BBS9: variants seen among roughly 807,000 people sequenced by gnomAD.
BBS9 encodes Bardet-Biedl syndrome 9, also known as protein PTHB1.
Under a neutral mutation model 117.7 loss-of-function variants are expected in BBS9, and 89 were observed. The observed-to-expected ratio is 0.76, with a 90% CI of 0.64 to 0.90. The LOEUF is 0.90. Among genes scored for constraint, BBS9 ranks in the 40% least tolerant of loss-of-function variants. The pLI is 0.00. For synonymous variants in BBS9, 379 were observed against 370.9 expected (o/e 1.02, Z -0.25); for missense variants, 982 against 1,042.2 (o/e 0.94, Z 0.80).
At chr7:33,360,395 AAT>A (rs1820401894) in intron 16 of BBS9, among the ~76,000 whole-genome samples, 2 of 152,136 alleles carry the variant, frequency 1.3e-5, no homozygotes, top group Admixed American at 6.5e-5. Flanking sequence ...AAACCTTGCC[AAT>A]AGAGAATCTT....
chr7:33,320,319 A>G (rs918096275), intron 9 of BBS9, among the ~76,000 whole-genome samples: 1 of 152,162 alleles, frequency 6.6e-6, no homozygotes, highest in African/African-American at 2.4e-5. Flanking sequence ...TTTAGCACCC[A>G]CAAATAAGCA....
intron 20 of BBS9, among the ~76,000 whole-genome samples, chr7:33,508,107 A>C (rs978947893): frequency 3.9e-5 from 6 of 152,200 alleles, no homozygotes; most frequent in African/African-American, 7.2e-5. Context: ...ACTTACACAT[A>C]TATTTTGTTC....
chr7:33,473,957 A>G (rs1242841598), intron 19 of BBS9, among the ~76,000 whole-genome samples: 1 of 152,256 alleles, frequency 6.6e-6, no homozygotes, highest in Non-Finnish European at 1.5e-5. Flanking sequence ...ACGTAAATAT[A>G]TGCTGGGCTG....
At chr7:33,141,627 G>A (rs1791479295) in intron 1 of BBS9, among the ~76,000 whole-genome samples, 1 of 152,028 alleles carries the variant, frequency 6.6e-6, no homozygotes, top group Non-Finnish European at 1.5e-5. Context: ...TTAAATTGAT[G>A]TTAGTATAAT....
chr7:33,258,470 G>T (rs367950539), intron 6 of BBS9, among the ~76,000 whole-genome samples: 6 of 152,330 alleles, frequency 3.9e-5, no homozygotes, highest in African/African-American at 4.8e-5. Context: ...ATGTTTGTGA[G>T]TAAGCAGAAT....
intron 19 of BBS9, among the ~76,000 whole-genome samples, chr7:33,409,637 G>T (rs1830743136): frequency 6.6e-6 from 1 of 152,078 alleles, no homozygotes; most frequent in African/African-American, 2.4e-5. Context: ...AGTGTATGAG[G>T]ATTCTGTTTC....
intron 19 of BBS9, among the ~76,000 whole-genome samples, chr7:33,500,676 A>G (rs1845322922): frequency 6.6e-6 from 1 of 152,232 alleles, no homozygotes. Flanking sequence ...TGAAATATGG[A>G]GGCAGATTCA....
chr7:33,458,153 T>C (rs937724071), intron 19 of BBS9, among the ~76,000 whole-genome samples: 5 of 152,172 alleles, frequency 3.3e-5, no homozygotes, highest in African/African-American at 1.2e-4. Flanking sequence ...ATGCTTATTA[T>C]AGAAAATGTC....
At chr7:33,178,589 A>G (rs990839916) in intron 5 of BBS9, among the ~76,000 whole-genome samples, 18 of 151,760 alleles carry the variant, frequency 1.2e-4, no homozygotes, top group African/African-American at 4.4e-4. Flanking sequence ...TGATTGTGTG[A>G]CTCTGTGTGC....
chr7:33,453,007 G>A (rs1363254919), intron 19 of BBS9, among the ~76,000 whole-genome samples: 1 of 152,198 alleles, frequency 6.6e-6, no homozygotes, highest in African/African-American at 2.4e-5. Flanking sequence ...AGGCAGTGGA[G>A]TTGGCAGTAC....
chr7:33,270,688 A>G (rs1163331557), intron 7 of BBS9, among the ~76,000 whole-genome samples: 1 of 151,990 alleles, frequency 6.6e-6, no homozygotes, highest in Non-Finnish European at 1.5e-5. Flanking sequence ...AATGAACAAA[A>G]CCTCCAAGAC....
intron 21 of BBS9, among the ~76,000 whole-genome samples, chr7:33,590,461 T>G (rs28728261): frequency 1.2e-4 from 13 of 109,514 alleles, no homozygotes; most frequent in Admixed American, 2.5e-4. Context: ...GTTTTTTTGT[T>G]TTTTTTTTTT....
At chr7:33,156,860 G>T (rs1404300472) in intron 4 of BBS9, among the ~76,000 whole-genome samples, 1 of 151,930 alleles carries the variant, frequency 6.6e-6, no homozygotes, top group Non-Finnish European at 1.5e-5. Context: ...ATGGTTTCAT[G>T]TTGCTCCTCC....
In BBS9 at chr7:33,316,582, A is replaced by T. The variant is rs567626099; in HGVS notation, c.1017-19859A>T. On this transcript the variant is annotated intron_variant, in intron 9 of 22. Coordinates refer to ENST00000242067, the MANE Select transcript of BBS9 (RefSeq NM_198428.3). ...AGTACTATCAGTCTTTTTAATTTAG[A>T]TATTCTAATGTGTGTATGGTGCTAG... Among the ~76,000 whole-genome samples the T allele has an allele frequency of 2.6e-5, 4 of 152,232 alleles. No individual in the cohort carries two copies. In the South Asian group the frequency reaches 8.3e-4, roughly 32 times the overall value.
At chr7:33,247,657 A>C (rs190404296) in intron 5 of BBS9, among the ~76,000 whole-genome samples, 1 of 152,168 alleles carries the variant, frequency 6.6e-6, no homozygotes. Context: ...GTACTATTTA[A>C]TTAACTCCCA....
chr7:33,305,433 G>A (rs1022139233), intron 9 of BBS9, among the ~76,000 whole-genome samples: 3 of 152,182 alleles, frequency 2.0e-5, no homozygotes, highest in African/African-American at 7.2e-5. Context: ...TGTAGAAAGA[G>A]TTAGGAAGTA....
chr7:33,445,178 G>A (rs1008507838), intron 19 of BBS9, among the ~76,000 whole-genome samples: 1 of 152,192 alleles, frequency 6.6e-6, no homozygotes, highest in South Asian at 2.1e-4. Flanking sequence ...CCTACATCCT[G>A]TAGGAGGAAG....
intron 7 of BBS9, among the ~76,000 whole-genome samples, chr7:33,270,082 C>G (rs1799539351): frequency 6.6e-6 from 1 of 150,692 alleles, no homozygotes; most frequent in East Asian, 1.9e-4. Context: ...TGAGAAAGAG[C>G]CTACTTACTG....
At chr7:33,621,547 A>G (rs999670158) in intron 21 of BBS9, among the ~76,000 whole-genome samples, 1 of 152,288 alleles carries the variant, frequency 6.6e-6, no homozygotes, top group African/African-American at 2.4e-5. Flanking sequence ...CTGGCGAGAA[A>G]GTGGAGTAAA....
Sources: gnomAD v4.1 joint callset for allele counts (sites outside exome capture counted in the v4.1 genomes callset) on GRCh38, gnomAD v4.1.1 for gene constraint, MANE v1.5 for transcripts, NCBI Gene and HGNC (gene_info 2026-07-23, HGNC 2026-07-21) for gene names.